LYVE1: variants seen among roughly 807,000 people sequenced by gnomAD.
LYVE1 encodes the protein lymphatic vessel endothelial hyaluronan receptor 1.
LYVE1 carries 29 observed loss-of-function variants against 31.5 expected under a neutral mutation model. That is an observed-to-expected ratio of 0.92 (90% CI 0.69 to 1.26). The LOEUF is 1.26. LYVE1 is among the 50% of genes most tolerant of loss of function. LYVE1 has a pLI of 0.00. For missense variants in LYVE1, 376 were observed against 380.2 expected (o/e 0.99, Z 0.09); for synonymous variants, 134 against 139.4 (o/e 0.96, Z 0.27).
At position 10,557,368 on chromosome 11, in the gene LYVE1, T is replaced by G. The variant is rs1169292070; in HGVS notation, c.*1743A>C. The G allele has an allele frequency of 6.6e-6, 1 of 152,154 alleles. No homozygotes were observed. The highest frequency in any genetic ancestry group is 1.5e-5 in the Non-Finnish European group (1 of 68,024). 9.4% of individuals were successfully genotyped at this position (152,154 alleles called of 1,614,324 possible). On this transcript the variant is annotated 3_prime_UTR_variant, in exon 6 of 6. Transcript: ENST00000256178. ...AACCCAGAAATGTAACCATGTGAAATCTCTTGATTTTTAATGCCTGGAAAT... is the reference window on the plus strand; with the variant it reads ...AACCCAGAAATGTAACCATGTGAAAGCTCTTGATTTTTAATGCCTGGAAAT...
intron 4 of LYVE1, among the ~76,000 whole-genome samples, chr11:10,560,250 T>C (rs986992246): frequency 6.6e-6 from 1 of 152,248 alleles, no homozygotes; most frequent in Non-Finnish European, 1.5e-5. Context: ...CAGATAGTGA[T>C]TTATTTTTAA....
At chr11:10,563,640 C>T (rs1208627254) in intron 3 of LYVE1, among the ~76,000 whole-genome samples, 34 of 152,210 alleles carry the variant, frequency 2.2e-4, no homozygotes, top group Admixed American at 2.2e-3. Flanking sequence ...TTACATACAT[C>T]TGTACCTTTG....
Position 10,559,263 on chromosome 11 carries a change from G to A in LYVE1, c.817C>T (p.Gln273Ter). Residue 273 changes from glutamine to a stop codon, truncating the protein, a stop_gained, in exon 6 of 6, where the codon CAG (glutamine) becomes TAG (stop). Transcript: ENST00000256178. LOFTEE classifies it high-confidence loss of function. ...TTGGTTTCGATCATTTCCTTCTGCT[G>A]ATTCTTGTTTGTAAAAGGGAAGGCC... is the stretch of plus-strand genomic sequence containing the variant. Reference protein sequence around the residue: ...VKAFPFTNKNQQKEMIETKVV... With the variant: ...VKAFPFTNKN The A allele has an allele frequency of 6.2e-7, 1 of 1,613,988 alleles. No homozygotes were observed. The highest frequency in any genetic ancestry group is 1.7e-5 in the Admixed American group (1 of 59,992).
At chr11:10,559,936 A>T in intron 4 of LYVE1, 42 bp from the exon 5 acceptor site, 1 of 1,400,704 alleles carries the variant, frequency 7.1e-7, no homozygotes, top group Non-Finnish European at 1.0e-6. Flanking sequence ...CTTCACTTAA[A>T]CATTGTGTGT....
chr11:10,563,877 A>T, intron 3 of LYVE1, 63 bp downstream of exon 3: 1 of 1,595,112 alleles, frequency 6.3e-7, no homozygotes, highest in Non-Finnish European at 8.6e-7. Context: ...CTCTTCCCAG[A>T]CAGGTCTCAG....
Position 10,557,294 on chromosome 11 carries a change from A to G in LYVE1, c.*1817T>C, listed in dbSNP as rs1442428514. On this transcript the variant is annotated 3_prime_UTR_variant, in exon 6 of 6. Transcript: ENST00000256178. ...TACTCAGTATCAGATAATGATTGCT[A>G]TGAGGGAACATGGGTTCTTTACTTC... 6 of 152,224 alleles carry G rather than the reference A, an allele frequency of 3.9e-5. No homozygotes were observed. Among genetic ancestry groups the G allele is most frequent in the African/African-American group, 1.4e-4 (6 of 41,452 alleles). The allele number at this position is 152,224 out of a possible 1,614,324, so 9.4% of individuals were successfully genotyped here. A position where few individuals can be genotyped will look rare whatever the true frequency, so the allele number is the denominator to read the frequency against.
At chr11:10,566,255 G>A (rs745745075) in intron 1 of LYVE1, among the ~76,000 whole-genome samples, 4 of 151,848 alleles carry the variant, frequency 2.6e-5, no homozygotes, top group Non-Finnish European at 5.9e-5. Flanking sequence ...GACTACAGAC[G>A]CGAGACACCA....
chr11:10,560,356 G>A, intron 4 of LYVE1, 139 bp downstream of exon 4: 2 of 708,206 alleles, frequency 2.8e-6, no homozygotes, highest in Non-Finnish European at 4.5e-6. Flanking sequence ...ATGACTTCAT[G>A]AAAGTTGAGT....
At chr11:10,562,193 A>G (rs1850440863) in intron 3 of LYVE1, among the ~76,000 whole-genome samples, 1 of 152,340 alleles carries the variant, frequency 6.6e-6, no homozygotes, top group South Asian at 2.1e-4. Flanking sequence ...GCTATGAGGT[A>G]TGCAGGCATA....
chr11:10,566,402 G>A (rs1850543657), intron 1 of LYVE1, among the ~76,000 whole-genome samples: 1 of 152,050 alleles, frequency 6.6e-6, no homozygotes, highest in South Asian at 2.1e-4. Flanking sequence ...GAACCACCGT[G>A]CCCAACCCGG....
chr11:10,568,359 A>T, intron 1 of LYVE1, 89 bp downstream of exon 1: 1 of 1,336,396 alleles, frequency 7.5e-7, no homozygotes, highest in East Asian at 2.3e-5. Flanking sequence ...ACTGAGGGTC[A>T]CCCTCATTCC....
At chr11:10,560,264 T>A (rs1180177948) in intron 4 of LYVE1, among the ~76,000 whole-genome samples, 1 of 152,184 alleles carries the variant, frequency 6.6e-6, no homozygotes, top group Non-Finnish European at 1.5e-5. Context: ...TTTTTAAAAG[T>A]CTTGAGTTTT....
chr11:10,564,662 G>A (rs1167541336), intron 1 of LYVE1, among the ~76,000 whole-genome samples: 2 of 152,194 alleles, frequency 1.3e-5, no homozygotes, highest in African/African-American at 2.4e-5. Context: ...GCTACCTGTT[G>A]TTGGGGTGCA....
chr11:10,559,670 G>A (rs17403795), intron 5 of LYVE1, 146 bp downstream of exon 5: 64,537 of 640,598 alleles, frequency 0.1, 3,884 homozygotes, highest in Admixed American at 0.14. Context: ...TTGGGCTGAA[G>A]GGAAAGAGAT....
Position 10,560,605 on chromosome 11 carries a change from T to G in LYVE1, c.593A>C (p.Lys198Thr). 1 of 1,614,168 alleles carries G rather than the reference T, an allele frequency of 6.2e-7. No individual in the cohort carries two copies. The highest frequency in any genetic ancestry group is 8.5e-7 in the Non-Finnish European group (1 of 1,180,004). ...PASTSIPRRK[K>T]LICVTEVFME... ...AAAAACTTCTGTGACACAAATCAAT[T>G]TTTTTCTCCGTGGAATAGAAGTGGA... Residue 198 changes from lysine (K) to threonine (T), a missense_variant, in exon 4 of 6, where the codon AAA becomes ACA. By Grantham distance (78) the Lys-to-Thr change is moderately conservative. Transcript: ENST00000256178.
intron 1 of LYVE1, 87 bp from the exon 2 acceptor site, chr11:10,564,461 T>C: frequency 7.8e-7 from 1 of 1,277,316 alleles, no homozygotes; most frequent in Non-Finnish European, 1.1e-6. Context: ...TATATCGTCC[T>C]GATGCGCAGG....
Position 10,568,595 on chromosome 11 carries a change from A to C in LYVE1, c.-63T>G. 6.3e-7 allele frequency: 1 copy of C among 1,575,620 alleles called. No individual in the cohort carries two copies. Among genetic ancestry groups the C allele is most frequent in the Middle Eastern group, 2.1e-4 (1 of 4,730 alleles). On this transcript the variant is annotated 5_prime_UTR_variant, in exon 1 of 6. Coordinates refer to ENST00000256178, the MANE Select transcript of LYVE1 (RefSeq NM_006691.4). ...TGGCCACTGGTGATATGAGAGGCAG[A>C]TGCTCAATAACTAGTCCGGATGGAG...
intron 1 of LYVE1, among the ~76,000 whole-genome samples, chr11:10,567,173 T>C (rs529073746): frequency 1.3e-5 from 2 of 152,246 alleles, no homozygotes; most frequent in Non-Finnish European, 2.9e-5. Flanking sequence ...AATGAAATTG[T>C]ATATACACAC....
chr11:10,561,087 C>T (rs1301579304), intron 3 of LYVE1, among the ~76,000 whole-genome samples: 3 of 152,212 alleles, frequency 2.0e-5, no homozygotes. Flanking sequence ...CCTTGATACA[C>T]TTTATCTTAC....
Sources: gnomAD v4.1 joint callset for allele counts (sites outside exome capture counted in the v4.1 genomes callset) on GRCh38, gnomAD v4.1.1 for gene constraint, MANE v1.5 for transcripts, NCBI Gene and HGNC (gene_info 2026-07-23, HGNC 2026-07-21) for gene names.